Variants in SIRPB1 observed in about 807,000 individuals in gnomAD.
SIRPB1 encodes signal regulatory protein beta 1.
A neutral mutation model predicts 34.1 loss-of-function variants in SIRPB1; 28 were observed. The ratio of observed to expected loss-of-function variants is 0.82; its 90% CI spans 0.61 to 1.12. SIRPB1 has a LOEUF of 1.12. Among genes scored for constraint, SIRPB1 ranks in the 50% most tolerant of loss-of-function variants. SIRPB1 has a pLI of 0.00. For synonymous variants in SIRPB1, 211 were observed against 203.8 expected (o/e 1.04, Z -0.30); for missense variants, 499 against 507.0 (o/e 0.98, Z 0.15).
chr20:1,570,670 G>T, intron 4 of SIRPB1, 135 bp downstream of exon 4: 2 of 739,782 alleles, frequency 2.7e-6, no homozygotes, highest in Non-Finnish European at 4.4e-6. Context: ...GTGACCCATG[G>T]AGTGTAGGAT....
In SIRPB1 at chr20:1,577,855, G is replaced by T. The variant is rs1791777584; in HGVS notation, c.433+483C>A. On this transcript the variant is annotated intron_variant, in intron 2 of 5. Transcript: ENST00000381605. ...GAAGGGAAGAGAATGTAAGCTTGGTGGGGGAGCGCTTTAGGCTGTTTCATT... is the reference window on the plus strand; with the variant it reads ...GAAGGGAAGAGAATGTAAGCTTGGTTGGGGAGCGCTTTAGGCTGTTTCATT... Among the ~76,000 whole-genome samples, 2 of 147,402 alleles carry T rather than the reference G, an allele frequency of 1.4e-5. 1 individual carries two copies. The highest frequency in any genetic ancestry group is 1.3e-4 in the Admixed American group (2 of 14,872).
At chr20:1,615,818 C>A (rs1031356554) in intron 1 of SIRPB1, among the ~76,000 whole-genome samples, 1 of 152,136 alleles carries the variant, frequency 6.6e-6, no homozygotes, top group African/African-American at 2.4e-5. Flanking sequence ...ATGAAAATTT[C>A]TATAAGATAA....
At chr20:1,618,745 T>C (rs2091666311) in intron 1 of SIRPB1, among the ~76,000 whole-genome samples, 2 of 152,136 alleles carry the variant, frequency 1.3e-5, no homozygotes, top group Admixed American at 1.3e-4. Context: ...ACAGGTAACT[T>C]GTCTGGGAGC....
rs1446980612 is a variant in SIRPB1, at chr20:1,568,749, C to T, written c.1084+2056G>A. Among the ~76,000 whole-genome samples the T allele has an allele frequency of 4.0e-5, 6 of 151,774 alleles. No homozygotes were observed. In the East Asian group the frequency reaches 7.7e-4, roughly 19 times the overall value. On this transcript the variant is annotated intron_variant, in intron 4 of 5. Coordinates refer to ENST00000381605, the MANE Select transcript of SIRPB1 (RefSeq NM_006065.5). ...GTCTCAAGTCAATAAATATAAATCC[C>T]GCACTTAAAGAAACTACAAAAAGTA...
chr20:1,569,988 T>C (rs2091202979), intron 4 of SIRPB1, among the ~76,000 whole-genome samples: 2 of 152,194 alleles, frequency 1.3e-5, no homozygotes, highest in Admixed American at 6.5e-5. Flanking sequence ...AAAGGGAAAG[T>C]TTCTCTAATT....
At chr20:1,573,894 A>C (rs1428796153) in intron 2 of SIRPB1, among the ~76,000 whole-genome samples, 4 of 146,392 alleles carry the variant, frequency 2.7e-5, no homozygotes, top group African/African-American at 9.9e-5. Flanking sequence ...TGTAATCATG[A>C]GGTTTGGTCA....
At chr20:1,576,704 C>T (rs1313103263) in intron 2 of SIRPB1, among the ~76,000 whole-genome samples, 2 of 148,298 alleles carry the variant, frequency 1.3e-5, no homozygotes, top group Non-Finnish European at 3.0e-5. Flanking sequence ...TTTGGGAGTT[C>T]GAGACCAGCC....
intron 4 of SIRPB1, 71 bp from the exon 5 acceptor site, chr20:1,566,338 C>T (rs576438918): frequency 3.3e-6 from 3 of 901,022 alleles, no homozygotes; most frequent in Admixed American, 2.4e-5. Context: ...CCTCCACTTA[C>T]CCCATCTGAG....
At position 1,619,973 on chromosome 20, in the gene SIRPB1, CA is replaced by C; in HGVS notation, c.-30del. 1.2e-6 allele frequency: 2 copies of C among 1,603,946 alleles called. No individual in the cohort carries two copies. Among genetic ancestry groups the C allele is most frequent in the Non-Finnish European group, 8.5e-7 (1 of 1,175,228 alleles). ...GGAGACCTTAGGAGCCTGCTCTGTC[CA>C]AACGTCTGTGCTGGGAAGATCGCAG... On this transcript the variant is annotated 5_prime_UTR_variant, in exon 1 of 6. Coordinates refer to ENST00000381605, the MANE Select transcript of SIRPB1 (RefSeq NM_006065.5).
Position 1,565,073 on chromosome 20 carries a change from TA to T in SIRPB1, c.*426del, listed in dbSNP as rs1436706999. The T allele has an allele frequency of 2.5e-6, 1 of 398,362 alleles. No homozygotes were observed. The highest frequency in any genetic ancestry group is 4.4e-6 in the Non-Finnish European group (1 of 226,062). 24.7% of individuals were successfully genotyped at this position (398,362 alleles called of 1,614,324 possible). A position where few individuals can be genotyped will look rare whatever the true frequency, so the allele number is the denominator to read the frequency against. On this transcript the variant is annotated 3_prime_UTR_variant, in exon 6 of 6. Coordinates refer to ENST00000381605, the MANE Select transcript of SIRPB1 (RefSeq NM_006065.5). ...AATCATTTTTTTCTTAAAATTGGTA[TA>T]GGGGTTCATGTGTATTCAGGAGGCA... is the stretch of plus-strand genomic sequence containing the variant.
In SIRPB1 at chr20:1,562,116, G is replaced by A. The variant is rs2091087383; in HGVS notation, c.*3384C>T. 1.3e-5 allele frequency among the ~76,000 whole-genome samples: 2 copies of A among 151,628 alleles called. No homozygotes were observed. Among genetic ancestry groups the A allele is most frequent in the South Asian group, 2.1e-4 (1 of 4,830 alleles). ...GGGAGCTCTTTCAGTTGGTTCCTGC[G>A]CCTCTTTGATGTACTCCAGTCACTG... On this transcript the variant is annotated 3_prime_UTR_variant, in exon 6 of 6. Transcript: ENST00000381605.
Position 1,580,691 on chromosome 20 carries a change from A to G in SIRPB1, c.77-1997T>C, listed in dbSNP as rs548562487. ...GCACAGAATCTAAGGGAATTGTGAG[A>G]CATTATCAAATGTATCAACATACAC... On this transcript the variant is annotated intron_variant, in intron 1 of 5. Transcript: ENST00000381605. Among the ~76,000 whole-genome samples, 2 of 49,334 alleles carry G rather than the reference A, an allele frequency of 4.1e-5. 1 individual carries two copies. Among genetic ancestry groups the G allele is most frequent in the Admixed American group, 2.7e-4 (2 of 7,410 alleles). 32.4% of individuals were successfully genotyped at this position (49,334 alleles called of 152,430 possible).
At position 1,570,866 on chromosome 20, in the gene SIRPB1, G is replaced by T; in HGVS notation, c.1023C>A (p.Ser341Arg). 1 of 1,614,210 alleles carries T rather than the reference G, an allele frequency of 6.2e-7. No homozygotes were observed. The highest frequency in any genetic ancestry group is 8.5e-7 in the Non-Finnish European group (1 of 1,180,034). Residue 341 changes from serine to arginine, a missense_variant, in exon 4 of 6, where the codon AGC (serine) becomes AGA (arginine). By Grantham distance (110) the Ser-to-Arg change is moderately radical. Transcript: ENST00000381605. ...CTGAGATCTCCAGGGCATAGCTTTT[G>T]CTGACTGCTTGCTGCCCATCATGCT... The part of the protein sequence containing the change: ...QVEHDGQQAV[S>R]KSYALEISAH...
Position 1,571,947 on chromosome 20 carries a change from G to A in SIRPB1, c.524C>T (p.Ser175Phe). ...VSFTCESHGF[S>F]PRDITLKWFK... is the part of the protein sequence containing the mutation. ...CCATTTCAGGGTGATGTCTCTGGGA[G>A]AGAAGCCATGGGACTCGCAGGTGAA... The change falls in exon 3 of 6, where the codon TCT becomes TTT. Residue 175 changes from serine to phenylalanine, a missense_variant. Ser to Phe is a radical substitution (Grantham distance 155, BLOSUM62 -2). Coordinates refer to ENST00000381605, the MANE Select transcript of SIRPB1 (RefSeq NM_006065.5). 1 of 1,614,190 alleles carries A rather than the reference G, an allele frequency of 6.2e-7. No homozygotes were observed. The highest frequency in any genetic ancestry group is 8.5e-7 in the Non-Finnish European group (1 of 1,180,042).
chr20:1,599,473 AAC>A lies in SIRPB1; in HGVS notation c.76+20394_76+20395del, dbSNP rs2091467786. ...ACTGAGTACCCCCAGTTTGCTAAAA[AAC>A]AGTTTATTTTCTTTGTTTTCTTTCC... On this transcript the variant is annotated intron_variant, in intron 1 of 5. Transcript: ENST00000381605. 4.1e-5 allele frequency among the ~76,000 whole-genome samples: 2 copies of A among 48,788 alleles called. 1 individual carries two copies. Among genetic ancestry groups the A allele is most frequent in the Admixed American group, 2.7e-4 (2 of 7,326 alleles). The allele number at this position is 48,788 out of a possible 152,430, so 32.0% of individuals were successfully genotyped here.
At chr20:1,578,265 C>T (rs1284397734) in intron 2 of SIRPB1, 73 bp downstream of exon 2, 3 of 1,484,270 alleles carry the variant, frequency 2.0e-6, no homozygotes, top group Non-Finnish European at 2.8e-6. Flanking sequence ...GGCTGTTGCT[C>T]CAAGAATGGA....
At chr20:1,617,988 T>C (rs1305959236) in intron 1 of SIRPB1, among the ~76,000 whole-genome samples, 1 of 152,020 alleles carries the variant, frequency 6.6e-6, no homozygotes, top group African/African-American at 2.4e-5. Context: ...CACACATATA[T>C]GTATATATAC....
At position 1,581,907 on chromosome 20, in the gene SIRPB1, A is replaced by T. The variant is rs2091395989; in HGVS notation, c.77-3213T>A. ...CATCCTGAAGCGAGGATCCTGTTCCAATATCAATAATGACATCCACCTTTC... is the reference window on the plus strand; with the variant it reads ...CATCCTGAAGCGAGGATCCTGTTCCTATATCAATAATGACATCCACCTTTC... On this transcript the variant is annotated intron_variant, in intron 1 of 5. Coordinates refer to ENST00000381605, the MANE Select transcript of SIRPB1 (RefSeq NM_006065.5). Among the ~76,000 whole-genome samples the T allele has an allele frequency of 4.2e-5, 2 of 48,130 alleles. 1 individual carries two copies. Among genetic ancestry groups the T allele is most frequent in the African/African-American group, 2.8e-4 (2 of 7,218 alleles). The allele number at this position is 48,130 out of a possible 152,430, so 31.6% of individuals were successfully genotyped here.
rs1342071156 is a variant in SIRPB1, at chr20:1,564,601, A to C, written c.*899T>G. 4.0e-6 allele frequency: 1 copy of C among 250,426 alleles called. No homozygotes were observed. The highest frequency in any genetic ancestry group is 6.7e-5 in the East Asian group (1 of 14,878). 15.5% of individuals were successfully genotyped at this position (250,426 alleles called of 1,614,324 possible). ...GGGGTGGTGGAGGTGAGAGGTGTGGAGAATAGGGATTTAACTCTGAGGTTT... is the reference window on the plus strand; with the variant it reads ...GGGGTGGTGGAGGTGAGAGGTGTGGCGAATAGGGATTTAACTCTGAGGTTT... On this transcript the variant is annotated 3_prime_UTR_variant, in exon 6 of 6. Transcript: ENST00000381605.
Sources: allele counts gnomAD v4.1 joint callset (sites outside exome capture counted in the v4.1 genomes callset), GRCh38; gene constraint gnomAD v4.1.1; transcripts MANE v1.5; gene names NCBI Gene and HGNC (gene_info 2026-07-23, HGNC 2026-07-21).